CCDC30: variants seen among roughly 807,000 people sequenced by gnomAD.
CCDC30 encodes the protein coiled-coil domain-containing protein 30.
In CCDC30, 70 loss-of-function variants were observed where a neutral mutation model predicts 100.2. The observed-to-expected ratio is 0.70, with a 90% confidence interval of 0.58 to 0.85. The LOEUF is 0.85. Among genes scored for constraint, CCDC30 ranks in the 40% least tolerant of loss-of-function variants. CCDC30 has a pLI of 0.00. For synonymous variants in CCDC30, 233 were observed against 269.5 expected, an observed-to-expected ratio of 0.86 and a Z score of 1.33; for missense variants, 652 against 771.2, an observed-to-expected ratio of 0.85 and a Z score of 1.83.
chr1:42,608,312 CATT>C (rs1557445322), intron 10 of CCDC30, among the ~76,000 whole-genome samples: 2 of 152,216 alleles, frequency 1.3e-5, no homozygotes, highest in African/African-American at 4.8e-5. Context: ...AAGATGCCAT[CATT>C]GTTTTTGTTT....
intron 6 of CCDC30, among the ~76,000 whole-genome samples, chr1:42,502,496 A>G (rs988229953): frequency 1.3e-5 from 2 of 152,186 alleles, no homozygotes; most frequent in Non-Finnish European, 2.9e-5. Context: ...GAGAAGCCCC[A>G]GTAAGATGAA....
chr1:42,457,321 A>T, the CCDC30 span: 2 of 1,614,088 alleles, frequency 1.2e-6, no homozygotes, highest in African/African-American at 2.7e-5. Context: ...GCCTGAACAC[A>T]AGATCCAGTC....
intron 11 of CCDC30, among the ~76,000 whole-genome samples, chr1:42,624,809 G>C (rs1169548322): frequency 6.6e-6 from 1 of 152,066 alleles, no homozygotes; most frequent in Non-Finnish European, 1.5e-5. Context: ...AAGGATTTTT[G>C]TGTCAATATT....
the CCDC30 span, chr1:42,456,738 A>G: frequency 6.2e-6 from 10 of 1,610,938 alleles, no homozygotes; most frequent in Non-Finnish European, 8.5e-6. Flanking sequence ...CGCTTCCTGG[A>G]CAACTTCAGC....
intron 15 of CCDC30, among the ~76,000 whole-genome samples, chr1:42,650,490 A>AGT (rs1553129531): frequency 7.7e-6 from 1 of 130,010 alleles, no homozygotes; most frequent in African/African-American, 2.9e-5. Flanking sequence ...TGTCTAAAAA[A>AGT]ATATATATGT....
intron 6 of CCDC30, among the ~76,000 whole-genome samples, chr1:42,524,029 T>C (rs994940870): frequency 6.6e-6 from 1 of 152,190 alleles, no homozygotes; most frequent in African/African-American, 2.4e-5. Flanking sequence ...TTCCTTAATA[T>C]AGTTTTTTAA....
chr1:42,466,370 C>G (rs1196247472), intron 1 of CCDC30, among the ~76,000 whole-genome samples: 2 of 152,176 alleles, frequency 1.3e-5, no homozygotes, highest in Non-Finnish European at 2.9e-5. Flanking sequence ...TTGTCCTCTT[C>G]TCGTTTAAAA....
chr1:42,611,042 T>TACG, exon 11 of CCDC30: 3 of 1,612,968 alleles, frequency 1.9e-6, no homozygotes, highest in Non-Finnish European at 2.5e-6. Context: ...AAGGAAGCTC[T>TACG]ACGTGAAGAA....
At chr1:42,589,518 C>T (rs779458749) in intron 10 of CCDC30, 35 bp downstream of exon 14, 1 of 1,572,956 alleles carries the variant, frequency 6.4e-7, no homozygotes, top group Non-Finnish European at 8.7e-7. Flanking sequence ...CTCAGTTTTC[C>T]TATTCCCATT....
intron 6 of CCDC30, among the ~76,000 whole-genome samples, chr1:42,556,785 C>T (rs544739106): frequency 6.6e-6 from 1 of 152,186 alleles, no homozygotes; most frequent in Non-Finnish European, 1.5e-5. Flanking sequence ...TTCATAAACT[C>T]CATCTAAGCT....
At position 42,566,550 on chromosome 1, in the gene CCDC30, C is replaced by T. The variant is rs561995089; in HGVS notation, c.636+75C>T. 4.9e-6 allele frequency: 6 copies of T among 1,223,018 alleles called. No individual in the cohort carries two copies. In the Admixed American group the frequency reaches 1.2e-4, roughly 25 times the overall value. The allele number at this position is 1,223,018 out of a possible 1,614,324, so 75.8% of individuals were successfully genotyped here. On this transcript the variant is annotated intron_variant, in intron 7 of 16. Transcript: ENST00000668663. ...GAATAAACGAATCTAAGTTCCTCTACTTGATAATTCATGATAGGATCCACA... is the reference window on the plus strand; with the variant it reads ...GAATAAACGAATCTAAGTTCCTCTATTTGATAATTCATGATAGGATCCACA...
At chr1:42,580,584 C>T (rs1645942558) in intron 8 of CCDC30, among the ~76,000 whole-genome samples, 1 of 152,020 alleles carries the variant, frequency 6.6e-6, no homozygotes, top group African/African-American at 2.4e-5. Flanking sequence ...AATAAGTAAA[C>T]AAGTGTAAAG....
the CCDC30 span, chr1:42,456,920 G>C: frequency 4.3e-6 from 7 of 1,609,668 alleles, no homozygotes; most frequent in Non-Finnish European, 5.9e-6. Flanking sequence ...GCTGAGCCTG[G>C]AGGCCGAGGA....
chr1:42,560,739 G>A (rs968619458), intron 6 of CCDC30, among the ~76,000 whole-genome samples: 3 of 151,970 alleles, frequency 2.0e-5, no homozygotes, highest in East Asian at 1.9e-4. Context: ...AGGGAGATAA[G>A]CATCAAATAG....
chr1:42,542,491 CT>C (rs1645030379), intron 6 of CCDC30, among the ~76,000 whole-genome samples: 1 of 151,394 alleles, frequency 6.6e-6, no homozygotes, highest in Non-Finnish European at 1.5e-5. Context: ...TCCCAAGGAG[CT>C]GAGACCACAG....
intron 5 of CCDC30, 34 bp downstream of exon 5, chr1:42,497,247 A>G: frequency 8.7e-7 from 1 of 1,144,010 alleles, no homozygotes; most frequent in Non-Finnish European, 1.1e-6. Flanking sequence ...ACGTATTTAA[A>G]TGTGTCTACC....
intron 1 of CCDC30, among the ~76,000 whole-genome samples, chr1:42,472,421 A>T (rs1643800841): frequency 6.6e-6 from 1 of 152,242 alleles, no homozygotes; most frequent in Admixed American, 6.5e-5. Flanking sequence ...TGCAGAAAAG[A>T]ACTGAATTAA....
intron 9 of CCDC30, among the ~76,000 whole-genome samples, chr1:42,588,898 T>A (rs917268895): frequency 4.6e-5 from 7 of 152,058 alleles, no homozygotes; most frequent in Non-Finnish European, 2.9e-5. Flanking sequence ...TCATTTATGA[T>A]TCATTTATAG....
intron 10 of CCDC30, among the ~76,000 whole-genome samples, chr1:42,599,457 A>G (rs574076475): frequency 6.6e-6 from 1 of 152,340 alleles, no homozygotes; most frequent in African/African-American, 2.4e-5. Context: ...AAAATGCTCA[A>G]TTAAAGTCAC....
Sources: allele counts gnomAD v4.1 joint callset (sites outside exome capture counted in the v4.1 genomes callset), GRCh38; gene constraint gnomAD v4.1.1; transcripts MANE v1.5; gene names NCBI Gene and HGNC (gene_info 2026-07-23, HGNC 2026-07-21).